The following EXOC4 variants were observed in gnomAD, a reference collection of about 807,000 sequenced individuals.
EXOC4 encodes SEC8-like 1.
EXOC4 carries 71 observed loss-of-function variants against 107.2 expected under a neutral mutation model. The ratio of observed to expected loss-of-function variants is 0.66; its 90% CI spans 0.55 to 0.81. EXOC4 has a LOEUF of 0.81. Ranked by LOEUF, EXOC4 falls within the 30% of genes least tolerant of loss-of-function variation. The pLI, the probability that EXOC4 is intolerant of heterozygous loss-of-function variation, is 0.00. For synonymous variants in EXOC4, 456 were observed against 441.2 expected (o/e 1.03, Z -0.42); for missense variants, 1,108 against 1,189.6 (o/e 0.93, Z 1.01).
intron 10 of EXOC4, among the ~76,000 whole-genome samples, chr7:133,719,717 G>A (rs1266845662): frequency 6.6e-6 from 1 of 152,076 alleles, no homozygotes; most frequent in East Asian, 1.9e-4. Flanking sequence ...TCTGAAGTGA[G>A]TTTTGGTGAT....
intron 17 of EXOC4, among the ~76,000 whole-genome samples, chr7:134,046,585 GT>G (rs10710129): frequency 0.027 from 4,003 of 148,276 alleles, 199 homozygotes; most frequent in African/African-American, 0.094. Context: ...GTTTCCTTGT[GT>G]TATCTATTAA....
intron 14 of EXOC4, among the ~76,000 whole-genome samples, chr7:133,996,550 A>G (rs1306459216): frequency 6.6e-6 from 1 of 152,184 alleles, no homozygotes; most frequent in Non-Finnish European, 1.5e-5. Flanking sequence ...TTGGAAATAT[A>G]TAGAAGGTAG....
intron 7 of EXOC4, among the ~76,000 whole-genome samples, chr7:133,436,198 G>C (rs904720640): frequency 6.6e-6 from 1 of 152,104 alleles, no homozygotes; most frequent in Non-Finnish European, 1.5e-5. Context: ...ATCAAACCCA[G>C]AGTGGCGTGG....
chr7:133,370,150 C>T (rs1345656776), intron 6 of EXOC4, among the ~76,000 whole-genome samples: 1 of 135,348 alleles, frequency 7.4e-6, no homozygotes, highest in African/African-American at 2.7e-5. Context: ...CCCTCCCCCC[C>T]AAAAGCATAA....
chr7:134,025,834 C>T (rs1795126675), intron 17 of EXOC4, among the ~76,000 whole-genome samples: 1 of 152,174 alleles, frequency 6.6e-6, no homozygotes, highest in Non-Finnish European at 1.5e-5. Flanking sequence ...AGCATAGTAT[C>T]ACTTCTGTCA....
At chr7:133,630,290 G>C (rs1802558828) in intron 10 of EXOC4, 149 bp downstream of exon 10, 1 of 581,716 alleles carries the variant, frequency 1.7e-6, no homozygotes, top group Non-Finnish European at 3.0e-6. Context: ...AAGTTAGTCA[G>C]TTTAGCAGAT....
In EXOC4 at chr7:133,844,378, C is replaced by CTTTTTTTT. The variant is rs761535651; in HGVS notation, c.1734+26857_1734+26864dup. Among the ~76,000 whole-genome samples the CTTTTTTTT allele has an allele frequency of 2.4e-4, 20 of 83,392 alleles. 1 individual carries two copies. Among genetic ancestry groups the CTTTTTTTT allele is most frequent in the African/African-American group, 4.6e-4 (8 of 17,354 alleles). The allele number at this position is 83,392 out of a possible 152,430, so 54.7% of individuals were successfully genotyped here. A position where few individuals can be genotyped will look rare whatever the true frequency, so the allele number is the denominator to read the frequency against. On this transcript the variant is annotated intron_variant, in intron 11 of 17. Transcript: ENST00000253861. ...TAATTTCTTGGATTCCCACATATTC[C>CTTTTTTTT]TTTTTTTTTTTTTTTTTTTTTTTTT...
At chr7:133,838,337 G>A (rs1797959500) in intron 11 of EXOC4, among the ~76,000 whole-genome samples, 1 of 152,122 alleles carries the variant, frequency 6.6e-6, no homozygotes, top group Non-Finnish European at 1.5e-5. Context: ...GTAGTCTCTA[G>A]GGGTATAAAT....
At chr7:133,428,539 A>G (rs1797779134) in intron 7 of EXOC4, among the ~76,000 whole-genome samples, 1 of 152,196 alleles carries the variant, frequency 6.6e-6, no homozygotes, top group South Asian at 2.1e-4. Context: ...GTTCTGCTCT[A>G]TTCTATTCTT....
chr7:133,405,408 GTTTCTCTATTTAGA>G (rs1797194032), intron 7 of EXOC4, among the ~76,000 whole-genome samples: 1 of 151,940 alleles, frequency 6.6e-6, no homozygotes, highest in Non-Finnish European at 1.5e-5. Context: ...CCTTTTTGTG[GTTTCTCTATTTAGA>G]TCATGGTAAA....
At chr7:133,653,617 A>G (rs964698110) in intron 10 of EXOC4, among the ~76,000 whole-genome samples, 1 of 152,176 alleles carries the variant, frequency 6.6e-6, no homozygotes, top group African/African-American at 2.4e-5. Flanking sequence ...TAAACTGTCC[A>G]AAGCTCAGCA....
chr7:133,480,137 A>C lies in EXOC4; in HGVS notation c.1416A>C (p.Gln472His). ...TCTATAGTCGGAGTGGAGAACTGCA[A>C]GGTGAGTGATTGAGCTTCTCTGGAA... ...RELYSRSGEL[Q>H]GGPDDNLIEG... The change falls in exon 9 of 18, where the codon CAA (glutamine) becomes CAC (histidine). Residue 472 changes from glutamine (Q) to histidine (H), a missense_variant and splice_region_variant. Transcript: ENST00000253861. 5 of 1,613,802 alleles carry C rather than the reference A, an allele frequency of 3.1e-6. No homozygotes were observed. The highest frequency in any genetic ancestry group is 4.2e-6 in the Non-Finnish European group (5 of 1,179,744).
chr7:133,777,389 T>G (rs1305311160), intron 10 of EXOC4, among the ~76,000 whole-genome samples: 1 of 152,148 alleles, frequency 6.6e-6, no homozygotes, highest in Non-Finnish European at 1.5e-5. Flanking sequence ...CAGGAAACGT[T>G]GTTACTGAAT....
chr7:133,802,599 C>G (rs1796971313), intron 10 of EXOC4, among the ~76,000 whole-genome samples: 1 of 152,094 alleles, frequency 6.6e-6, no homozygotes, highest in South Asian at 2.1e-4. Flanking sequence ...TGGCTCACAC[C>G]TGTAATTTCA....
chr7:133,707,737 T>C (rs1483457004), intron 10 of EXOC4, among the ~76,000 whole-genome samples: 1 of 152,160 alleles, frequency 6.6e-6, no homozygotes, highest in Non-Finnish European at 1.5e-5. Flanking sequence ...TGCCTCAGCC[T>C]CCTGAGTAGC....
At chr7:133,787,666 T>C (rs1265230883) in intron 10 of EXOC4, among the ~76,000 whole-genome samples, 1 of 151,762 alleles carries the variant, frequency 6.6e-6, no homozygotes, top group Admixed American at 6.6e-5. Context: ...TCCTCCTTGC[T>C]GTGTCTTCAC....
At chr7:133,858,350 T>G (rs1213323561) in intron 11 of EXOC4, among the ~76,000 whole-genome samples, 2 of 152,128 alleles carry the variant, frequency 1.3e-5, no homozygotes, top group Admixed American at 6.5e-5. Flanking sequence ...GGGGTTTTTA[T>G]GGACTCAAAA....
chr7:133,575,887 C>T (rs1286321173), intron 9 of EXOC4, among the ~76,000 whole-genome samples: 1 of 152,100 alleles, frequency 6.6e-6, no homozygotes, highest in Non-Finnish European at 1.5e-5. Context: ...TTTCTTTTGG[C>T]AGGAGGACTA....
intron 11 of EXOC4, among the ~76,000 whole-genome samples, chr7:133,861,859 C>A (rs1003826002): frequency 1.3e-5 from 2 of 152,084 alleles, no homozygotes; most frequent in Non-Finnish European, 2.9e-5. Context: ...TAACAAGCAC[C>A]CAGGGTGATT....
Sources: gnomAD v4.1 joint callset for allele counts (sites outside exome capture counted in the v4.1 genomes callset) on GRCh38, gnomAD v4.1.1 for gene constraint, MANE v1.5 for transcripts, NCBI Gene and HGNC (gene_info 2026-07-23, HGNC 2026-07-21) for gene names.